The following LRCH1 variants were observed in gnomAD, a reference collection of about 807,000 sequenced individuals.
LRCH1 encodes leucine rich repeats and calponin homology domain containing 1.
LRCH1 carries 23 observed loss-of-function variants against 94.9 expected under a neutral mutation model. The observed-to-expected ratio is 0.24, with a 90% CI of 0.17 to 0.34. The LOEUF (loss-of-function observed/expected upper bound fraction) is 0.34, where lower values mean the gene tolerates loss of function less well. Among genes scored for constraint, LRCH1 ranks in the 10% least tolerant of loss-of-function variants. LRCH1 has a pLI of 1.00. For missense variants in LRCH1, 790 were observed against 945.9 expected (o/e 0.84, Z 2.16); for synonymous variants, 364 against 354.9 (o/e 1.03, Z -0.29).
At chr13:46,727,901 A>C (rs1048753308) in intron 17 of LRCH1, among the ~76,000 whole-genome samples, 2 of 148,546 alleles carry the variant, frequency 1.3e-5, no homozygotes, top group African/African-American at 2.5e-5. Context: ...AGAGAAAAAC[A>C]TTTCTTTCTT....
chr13:46,633,816 A>G (rs1412798723), intron 1 of LRCH1, among the ~76,000 whole-genome samples: 2 of 151,378 alleles, frequency 1.3e-5, no homozygotes, highest in African/African-American at 4.9e-5. Context: ...AGGCATGAAT[A>G]TCTAAACTGA....
At chr13:46,563,855 A>G in intron 1 of LRCH1, among the ~76,000 whole-genome samples, 1 of 152,294 alleles carries the variant, frequency 6.6e-6, no homozygotes, top group Non-Finnish European at 1.5e-5. Flanking sequence ...GCATGGCAGT[A>G]GGTGCCAGAG....
At chr13:46,704,219 A>T (rs1466523187) in intron 11 of LRCH1, among the ~76,000 whole-genome samples, 1 of 152,112 alleles carries the variant, frequency 6.6e-6, no homozygotes, top group Non-Finnish European at 1.5e-5. Context: ...GATGTCATTT[A>T]TTTCTAACTA....
chr13:46,705,965 A>G (rs1871737412), intron 13 of LRCH1, among the ~76,000 whole-genome samples: 1 of 152,178 alleles, frequency 6.6e-6, no homozygotes, highest in Non-Finnish European at 1.5e-5. Flanking sequence ...ATAGGCTACA[A>G]CCCATTTCCT....
intron 1 of LRCH1, among the ~76,000 whole-genome samples, chr13:46,627,640 A>T (rs1340200237): frequency 6.6e-6 from 1 of 152,094 alleles, no homozygotes; most frequent in Non-Finnish European, 1.5e-5. Context: ...GCATGCACAC[A>T]CGTATGGCAA....
rs73485903 is a variant in LRCH1, at chr13:46,562,361, G to A, written c.307+8658G>A. 5.5e-3 allele frequency among the ~76,000 whole-genome samples: 834 copies of A among 152,226 alleles called. 5 individuals are homozygous for A. The highest frequency in any genetic ancestry group is 0.018 in the African/African-American group (738 of 41,550). On this transcript the variant is annotated intron_variant, in intron 1 of 19. Transcript: ENST00000389797. ...GCTGGAAGTCCAAGATCAAGGTGTCGGCAGGTTTGATTCTCCTGAGGCCTC... is the reference window on the plus strand; with the variant it reads ...GCTGGAAGTCCAAGATCAAGGTGTCAGCAGGTTTGATTCTCCTGAGGCCTC...
chr13:46,700,503 G>A (rs535430951), intron 10 of LRCH1, among the ~76,000 whole-genome samples: 3 of 151,924 alleles, frequency 2.0e-5, no homozygotes, highest in South Asian at 2.1e-4. Context: ...ACTATATAAC[G>A]GTTTGGAAAC....
At position 46,553,744 on chromosome 13, in the gene LRCH1, T is replaced by C. The variant is rs1299352766; in HGVS notation, c.307+41T>C. The stretch of plus-strand genomic sequence containing the variant: ...GGGGCGGGCAGGGGTGTGGGTGCTG[T>C]CTGGGTGTCTGTCGTGCGTTCCCTA... On this transcript the variant is annotated intron_variant, in intron 1 of 19. Coordinates refer to ENST00000389797, the MANE Select transcript of LRCH1 (RefSeq NM_001164211.2). 3 of 1,594,418 alleles carry C rather than the reference T, an allele frequency of 1.9e-6. No homozygotes were observed. The East Asian group carries it at 6.8e-5, about 36-fold the overall frequency.
intron 3 of LRCH1, among the ~76,000 whole-genome samples, chr13:46,672,421 C>T (rs900896842): frequency 1.3e-5 from 2 of 151,906 alleles, no homozygotes; most frequent in South Asian, 2.1e-4. Context: ...GGTGCTGATA[C>T]GTGCTTCTGT....
At chr13:46,579,204 G>T (rs1217258037) in intron 1 of LRCH1, among the ~76,000 whole-genome samples, 1 of 152,164 alleles carries the variant, frequency 6.6e-6, no homozygotes, top group Admixed American at 6.5e-5. Context: ...GCTTGACTGT[G>T]GATGGCATCT....
chr13:46,710,020 A>G (rs1444298358), intron 13 of LRCH1, among the ~76,000 whole-genome samples: 1 of 152,242 alleles, frequency 6.6e-6, no homozygotes, highest in East Asian at 1.9e-4. Flanking sequence ...ATCTTTCAGC[A>G]TAGCCCTATA....
intron 1 of LRCH1, among the ~76,000 whole-genome samples, chr13:46,604,271 G>A (rs1191387086): frequency 1.3e-5 from 2 of 152,160 alleles, no homozygotes; most frequent in Non-Finnish European, 2.9e-5. Context: ...CCCTAACTGG[G>A]GTGGGGATGG....
At chr13:46,715,897 A>G (rs1358267190) in intron 16 of LRCH1, among the ~76,000 whole-genome samples, 4 of 152,042 alleles carry the variant, frequency 2.6e-5, no homozygotes, top group Non-Finnish European at 4.4e-5. Context: ...GGAAGGCATT[A>G]TAATACTTTC....
Position 46,728,888 on chromosome 13 carries a change from G to A in LRCH1, c.1911G>A (p.Leu637=), listed in dbSNP as rs759305280. ...MRLKVSLHED[L]GAALMDGVVL... ...TGAAGGTCAGTCTACACGAAGACCTGGGGGCAGCCCTCATGGATGGTGTCG... is the reference window on the plus strand; with the variant it reads ...TGAAGGTCAGTCTACACGAAGACCTAGGGGCAGCCCTCATGGATGGTGTCG... Residue 637 remains leucine (L), a synonymous_variant, in exon 18 of 20, where the codon CTG becomes CTA. Coordinates refer to ENST00000389797, the MANE Select transcript of LRCH1 (RefSeq NM_001164211.2). The A allele has an allele frequency of 6.2e-7, 1 of 1,612,938 alleles. No homozygotes were observed. Among genetic ancestry groups the A allele is most frequent in the Non-Finnish European group, 8.5e-7 (1 of 1,179,402 alleles).
chr13:46,679,709 T>G (rs1280373542), intron 3 of LRCH1: 1 of 152,296 alleles, frequency 6.6e-6, no homozygotes, highest in East Asian at 1.9e-4. Context: ...TCTCAGCCCG[T>G]GCCACCCCAC....
chr13:46,615,234 G>A (rs190683623), intron 1 of LRCH1, among the ~76,000 whole-genome samples: 3 of 152,252 alleles, frequency 2.0e-5, no homozygotes, highest in South Asian at 2.1e-4. Context: ...CATCTGCTCC[G>A]CTACCTGTGA....
intron 7 of LRCH1, among the ~76,000 whole-genome samples, chr13:46,691,509 T>C (rs1405517674): frequency 6.6e-6 from 1 of 152,184 alleles, no homozygotes; most frequent in Admixed American, 6.5e-5. Context: ...GTCGATAATT[T>C]ATAAAGAAAA....
chr13:46,589,098 G>A (rs1204941766), intron 1 of LRCH1, among the ~76,000 whole-genome samples: 1 of 152,098 alleles, frequency 6.6e-6, no homozygotes, highest in African/African-American at 2.4e-5. Flanking sequence ...GGGCAGTGGT[G>A]CAATCATAGC....
At chr13:46,667,005 A>G (rs181872999) in intron 2 of LRCH1, among the ~76,000 whole-genome samples, 71 of 152,286 alleles carry the variant, frequency 4.7e-4, no homozygotes, top group African/African-American at 1.7e-3. Context: ...TCTTGGTCCA[A>G]TCCTGCTAAC....
Sources: gnomAD v4.1 joint callset for allele counts (sites outside exome capture counted in the v4.1 genomes callset) on GRCh38, gnomAD v4.1.1 for gene constraint, MANE v1.5 for transcripts, NCBI Gene and HGNC (gene_info 2026-07-23, HGNC 2026-07-21) for gene names.